Variants in SLC25A21 observed in about 807,000 individuals in gnomAD.
The protein encoded by SLC25A21 is mitochondrial 2-oxodicarboxylate carrier.
A neutral mutation model predicts 43.8 loss-of-function variants in SLC25A21; 47 were observed. The observed-to-expected ratio is 1.07, with a 90% confidence interval of 0.85 to 1.37. The LOEUF (loss-of-function observed/expected upper bound fraction) is 1.37. Ranked by LOEUF, SLC25A21 falls within the 40% of genes most tolerant of loss-of-function variation. SLC25A21 has a pLI of 0.00. For missense variants in SLC25A21, 352 were observed against 350.2 expected, an observed-to-expected ratio of 1.00 and a Z score of -0.04; for synonymous variants, 131 against 121.3, an observed-to-expected ratio of 1.08 and a Z score of -0.52.
At chr14:37,151,430 T>C (rs143198499) in intron 1 of SLC25A21, among the ~76,000 whole-genome samples, 1 of 152,236 alleles carries the variant, frequency 6.6e-6, no homozygotes. Context: ...GAGAATTTCA[T>C]ACTTAAGCTA....
At chr14:36,911,892 C>T (rs909794594) in intron 1 of SLC25A21, among the ~76,000 whole-genome samples, 1 of 152,130 alleles carries the variant, frequency 6.6e-6, no homozygotes, top group African/African-American at 2.4e-5. Context: ...ATCAGCTTGG[C>T]TATAAAGTGC....
intron 1 of SLC25A21, among the ~76,000 whole-genome samples, chr14:37,003,654 C>T (rs531399354): frequency 2.0e-5 from 3 of 152,248 alleles, no homozygotes; most frequent in East Asian, 1.9e-4. Context: ...AGCAGCCAGA[C>T]ATAAAACATT....
chr14:36,750,837 T>C (rs930064655), intron 3 of SLC25A21, among the ~76,000 whole-genome samples: 2 of 152,208 alleles, frequency 1.3e-5, no homozygotes, highest in Non-Finnish European at 2.9e-5. Context: ...AGGAATTTCA[T>C]GAGATCATCC....
chr14:36,729,681 A>T (rs1426984022), intron 4 of SLC25A21, 115 bp from the exon 5 acceptor site: 1 of 821,954 alleles, frequency 1.2e-6, no homozygotes, highest in Non-Finnish European at 1.9e-6. Context: ...AAAAAATGAT[A>T]AACTATCTAA....
At chr14:36,788,071 T>C (rs1887315332) in intron 3 of SLC25A21, among the ~76,000 whole-genome samples, 1 of 152,206 alleles carries the variant, frequency 6.6e-6, no homozygotes, top group East Asian at 1.9e-4. Context: ...AGGAGTACTC[T>C]GTTTATTTCT....
intron 1 of SLC25A21, among the ~76,000 whole-genome samples, chr14:37,010,478 T>A (rs1960706098): frequency 6.6e-6 from 1 of 152,046 alleles, no homozygotes; most frequent in Non-Finnish European, 1.5e-5. Context: ...CACTCCTGGG[T>A]GTAACTGCCA....
At chr14:36,762,602 A>C (rs1055308761) in intron 3 of SLC25A21, among the ~76,000 whole-genome samples, 7 of 152,242 alleles carry the variant, frequency 4.6e-5, no homozygotes, top group Admixed American at 1.3e-4. Flanking sequence ...CATCAATTCT[A>C]ATATAATGTG....
chr14:36,792,456 CCA>C (rs964745896), intron 3 of SLC25A21, among the ~76,000 whole-genome samples: 1 of 152,054 alleles, frequency 6.6e-6, no homozygotes, highest in African/African-American at 2.4e-5. Flanking sequence ...AACTGAAAAC[CCA>C]CAGTCAAGAG....
chr14:36,773,526 T>C (rs146573176), intron 3 of SLC25A21, among the ~76,000 whole-genome samples: 195 of 152,348 alleles, frequency 1.3e-3, no homozygotes, highest in African/African-American at 4.5e-3. Flanking sequence ...AATCTAGAAC[T>C]GTATTTTGAA....
intron 1 of SLC25A21, among the ~76,000 whole-genome samples, chr14:37,027,945 T>C (rs146191033): frequency 0.011 from 1,683 of 152,332 alleles, 21 homozygotes; most frequent in Middle Eastern, 0.054. Context: ...CCTTTTCAAA[T>C]ACCAATTGAT....
At chr14:36,967,066 A>G (rs1259499186) in intron 1 of SLC25A21, among the ~76,000 whole-genome samples, 1 of 152,218 alleles carries the variant, frequency 6.6e-6, no homozygotes, top group Admixed American at 6.5e-5. Flanking sequence ...CAACTCTTGT[A>G]TGAGAACTTG....
intron 1 of SLC25A21, among the ~76,000 whole-genome samples, chr14:36,909,448 A>G (rs994454820): frequency 6.6e-6 from 1 of 152,218 alleles, no homozygotes; most frequent in Non-Finnish European, 1.5e-5. Context: ...AGCGTATTCA[A>G]CTGCACTGGA....
At chr14:37,171,466 A>G (rs1326853559) in intron 1 of SLC25A21, among the ~76,000 whole-genome samples, 1 of 152,122 alleles carries the variant, frequency 6.6e-6, no homozygotes, top group Non-Finnish European at 1.5e-5. Flanking sequence ...GATTTATAAA[A>G]TGTTTTCTGG....
At chr14:37,030,064 C>T (rs1485556522) in intron 1 of SLC25A21, among the ~76,000 whole-genome samples, 1 of 151,942 alleles carries the variant, frequency 6.6e-6, no homozygotes, top group Non-Finnish European at 1.5e-5. Flanking sequence ...TGCACCTGGC[C>T]GAATAGCCTA....
chr14:36,709,375 T>A (rs1374643729), intron 7 of SLC25A21, among the ~76,000 whole-genome samples: 5 of 152,184 alleles, frequency 3.3e-5, no homozygotes, highest in Non-Finnish European at 5.9e-5. Context: ...TTCTGGGCCT[T>A]ACAAATTATT....
At chr14:36,966,175 T>G (rs1378234713) in intron 1 of SLC25A21, among the ~76,000 whole-genome samples, 1 of 152,166 alleles carries the variant, frequency 6.6e-6, no homozygotes. Flanking sequence ...AATTTCCATT[T>G]CCAAGGTAGC....
chr14:36,903,927 G>A (rs964423198), intron 1 of SLC25A21, among the ~76,000 whole-genome samples: 1 of 152,208 alleles, frequency 6.6e-6, no homozygotes, highest in African/African-American at 2.4e-5. Flanking sequence ...GCAAGAAAGT[G>A]TCACTCTTGC....
intron 3 of SLC25A21, among the ~76,000 whole-genome samples, chr14:36,790,514 A>G (rs1307751087): frequency 2.0e-5 from 3 of 152,174 alleles, no homozygotes; most frequent in Non-Finnish European, 4.4e-5. Flanking sequence ...TGAATTCAAA[A>G]AATTATTTTG....
intron 1 of SLC25A21, among the ~76,000 whole-genome samples, chr14:37,170,165 A>G (rs1164908327): frequency 1.3e-5 from 2 of 151,868 alleles, no homozygotes; most frequent in East Asian, 1.9e-4. Context: ...CCTCCCAAGT[A>G]GCTGGGACTG....
Sources: allele counts gnomAD v4.1 joint callset (sites outside exome capture counted in the v4.1 genomes callset), GRCh38; gene constraint gnomAD v4.1.1; transcripts MANE v1.5; gene names NCBI Gene and HGNC (gene_info 2026-07-23, HGNC 2026-07-21).